The following NKAIN3 variants were observed in gnomAD, a reference collection of about 807,000 sequenced individuals.
The protein encoded by NKAIN3 is sodium/potassium transporting ATPase interacting 3.
A neutral mutation model predicts 30.2 loss-of-function variants in NKAIN3; 25 were observed. The observed-to-expected ratio is 0.83, with a 90% CI of 0.60 to 1.16. The LOEUF (loss-of-function observed/expected upper bound fraction) is 1.16, where lower values mean the gene tolerates loss of function less well. Among genes scored for constraint, NKAIN3 ranks in the 50% most tolerant of loss-of-function variants. NKAIN3 has a pLI of 0.00. For synonymous variants in NKAIN3, 91 were observed against 89.6 expected, an observed-to-expected ratio of 1.02 and a Z score of -0.09; for missense variants, 225 against 254.1, an observed-to-expected ratio of 0.89 and a Z score of 0.78.
chr8:62,652,701 G>A (rs146753219), intron 3 of NKAIN3, among the ~76,000 whole-genome samples: 262 of 152,266 alleles, frequency 1.7e-3, no homozygotes, highest in African/African-American at 6.2e-3. Flanking sequence ...CAAGCTTTAC[G>A]ACTGCACTTT....
At chr8:62,611,248 A>G (rs1285036135) in intron 3 of NKAIN3, among the ~76,000 whole-genome samples, 1 of 152,162 alleles carries the variant, frequency 6.6e-6, no homozygotes, top group Non-Finnish European at 1.5e-5. Context: ...GGCATGAAAT[A>G]TGAAATAAGC....
intron 5 of NKAIN3, among the ~76,000 whole-genome samples, chr8:62,919,793 C>A (rs1328375314): frequency 6.6e-6 from 1 of 152,026 alleles, no homozygotes; most frequent in Non-Finnish European, 1.5e-5. Flanking sequence ...AATCCAGAAT[C>A]TGATGGGGTC....
chr8:62,860,865 C>T (rs1213060385), intron 4 of NKAIN3, among the ~76,000 whole-genome samples: 3 of 152,204 alleles, frequency 2.0e-5, no homozygotes. Context: ...CTAGATATTT[C>T]TACTCAGACT....
At chr8:62,780,547 A>G (rs1205501632) in intron 4 of NKAIN3, among the ~76,000 whole-genome samples, 8 of 152,104 alleles carry the variant, frequency 5.3e-5, no homozygotes, top group Admixed American at 2.6e-4. Flanking sequence ...GCAAAATACT[A>G]GCAAACCGAA....
intron 5 of NKAIN3, among the ~76,000 whole-genome samples, chr8:62,946,173 G>A (rs1823119706): frequency 6.6e-6 from 1 of 152,124 alleles, no homozygotes; most frequent in Non-Finnish European, 1.5e-5. Flanking sequence ...CTGGCACTTG[G>A]GCATCATCTC....
chr8:62,548,344 A>G (rs957120082), intron 1 of NKAIN3, among the ~76,000 whole-genome samples: 1 of 152,226 alleles, frequency 6.6e-6, no homozygotes, highest in African/African-American at 2.4e-5. Flanking sequence ...TAAGAATGGT[A>G]GTGTTGATGA....
intron 1 of NKAIN3, among the ~76,000 whole-genome samples, chr8:62,395,219 C>G (rs1041537328): frequency 6.8e-6 from 1 of 146,284 alleles, no homozygotes; most frequent in Admixed American, 6.8e-5. Context: ...CTTCCCAGAC[C>G]GAGGGAGGTG....
chr8:62,365,893 T>A (rs1004932129), intron 1 of NKAIN3, among the ~76,000 whole-genome samples: 4 of 152,206 alleles, frequency 2.6e-5, no homozygotes, highest in African/African-American at 9.6e-5. Context: ...TTTTTAAAAA[T>A]TTTAAGGGTA....
chr8:62,252,599 G>A (rs781621976), intron 1 of NKAIN3, among the ~76,000 whole-genome samples: 10 of 100,048 alleles, frequency 1.0e-4, no homozygotes, highest in Non-Finnish European at 2.4e-5. Flanking sequence ...TTTCATTTGT[G>A]ATCCTCCTGA....
intron 2 of NKAIN3, among the ~76,000 whole-genome samples, chr8:62,581,408 G>T (rs889614598): frequency 2.0e-4 from 30 of 152,132 alleles, no homozygotes; most frequent in Non-Finnish European, 3.8e-4. Flanking sequence ...ACCATAGATG[G>T]CTTCCAGAGA....
rs1361752583 is a variant in NKAIN3 at position 62,475,986 on chromosome 8, C to A, written c.55-103553C>A. On this transcript the variant is annotated intron_variant, in intron 1 of 6. Coordinates refer to ENST00000623646, the MANE Select transcript of NKAIN3 (RefSeq NM_001304533.3). ...GAAATAACACAATTTTCATGAGATT[C>A]ATAATAAGAATAAAGTGAAACAAAA... Among the ~76,000 whole-genome samples, 2 of 151,968 alleles carry A rather than the reference C, an allele frequency of 1.3e-5. 1 individual carries two copies. The highest frequency in any genetic ancestry group is 2.9e-5 in the Non-Finnish European group (2 of 68,014).
At chr8:62,286,143 T>A (rs1813372587) in intron 1 of NKAIN3, among the ~76,000 whole-genome samples, 1 of 152,160 alleles carries the variant, frequency 6.6e-6, no homozygotes, top group Non-Finnish European at 1.5e-5. Context: ...ATTCCAGATA[T>A]CTGAATACAA....
chr8:62,268,150 C>G (rs998707327), intron 1 of NKAIN3, among the ~76,000 whole-genome samples: 1 of 152,168 alleles, frequency 6.6e-6, no homozygotes, highest in Non-Finnish European at 1.5e-5. Flanking sequence ...TGATGTTTCT[C>G]AGGTTCCCTT....
intron 1 of NKAIN3, among the ~76,000 whole-genome samples, chr8:62,405,002 T>C (rs987599311): frequency 2.6e-5 from 4 of 152,120 alleles, no homozygotes; most frequent in Admixed American, 2.0e-4. Context: ...AGTCCTTCCT[T>C]TTAAGGAAGA....
intron 6 of NKAIN3, among the ~76,000 whole-genome samples, chr8:62,960,614 A>G (rs1416791006): frequency 6.6e-6 from 1 of 152,048 alleles, no homozygotes; most frequent in African/African-American, 2.4e-5. Context: ...ACCAAATTTT[A>G]TGTTAAATAC....
chr8:62,826,796 A>T (rs1819040345), intron 4 of NKAIN3, among the ~76,000 whole-genome samples: 1 of 152,216 alleles, frequency 6.6e-6, no homozygotes, highest in Non-Finnish European at 1.5e-5. Context: ...TACTGTAGCT[A>T]GGAAAACAGA....
At chr8:62,907,562 A>C (rs1294846460) in intron 4 of NKAIN3, among the ~76,000 whole-genome samples, 2 of 152,178 alleles carry the variant, frequency 1.3e-5, no homozygotes, top group African/African-American at 4.8e-5. Context: ...AAATGGTTTC[A>C]TGGGCTGGGC....
At chr8:62,881,886 C>A (rs1343558719) in intron 4 of NKAIN3, among the ~76,000 whole-genome samples, 1 of 152,204 alleles carries the variant, frequency 6.6e-6, no homozygotes, top group Non-Finnish European at 1.5e-5. Flanking sequence ...AACTCAGAAT[C>A]CTCAACACAT....
intron 5 of NKAIN3, among the ~76,000 whole-genome samples, chr8:62,930,319 T>C (rs989556791): frequency 6.6e-6 from 1 of 152,080 alleles, no homozygotes; most frequent in African/African-American, 2.4e-5. Context: ...GATGGTGCGA[T>C]CTTAGCTCAC....
Sources: gnomAD v4.1 joint callset for allele counts (sites outside exome capture counted in the v4.1 genomes callset) on GRCh38, gnomAD v4.1.1 for gene constraint, MANE v1.5 for transcripts, NCBI Gene and HGNC (gene_info 2026-07-23, HGNC 2026-07-21) for gene names.